Variants in ENOSF1 observed in about 807,000 individuals in gnomAD.
The protein encoded by ENOSF1 is mitochondrial enolase superfamily member 1.
In ENOSF1, 73 loss-of-function variants were observed where a neutral mutation model predicts 68.2. The observed-to-expected ratio is 1.07, with a 90% CI of 0.89 to 1.30. ENOSF1 has a LOEUF of 1.30. Ranked by LOEUF, ENOSF1 falls within the 50% of genes most tolerant of loss-of-function variation. The pLI is 0.00. For synonymous variants in ENOSF1, 223 were observed against 210.4 expected (o/e 1.06, Z -0.52); for missense variants, 589 against 554.5 (o/e 1.06, Z -0.62).
At chr18:681,063 T>C (rs1252220805) in intron 11 of ENOSF1, among the ~76,000 whole-genome samples, 1 of 152,174 alleles carries the variant, frequency 6.6e-6, no homozygotes, top group Non-Finnish European at 1.5e-5. Flanking sequence ...GGTTTCACCA[T>C]GTTGGCCAGG....
chr18:675,531 T>C, intron 14 of ENOSF1, 129 bp from the exon 15 acceptor site: 1 of 797,828 alleles, frequency 1.3e-6, no homozygotes, highest in Non-Finnish European at 2.1e-6. Flanking sequence ...TGTGTTACCA[T>C]GCGTTTCTAG....
chr18:671,708 C>A lies in ENOSF1; in HGVS notation c.*2597G>T. The A allele has an allele frequency of 2.0e-6, 1 of 500,184 alleles. No homozygotes were observed. Among genetic ancestry groups the A allele is most frequent in the Non-Finnish European group, 3.5e-6 (1 of 286,518 alleles). The allele number at this position is 500,184 out of a possible 1,614,324, so 31.0% of individuals were successfully genotyped here. On this transcript the variant is annotated 3_prime_UTR_variant, in exon 16 of 16. Transcript: ENST00000647584. Reference sequence around the variant, plus strand: ...AGAGAGGGAAGAGCCACATTCAAGCCAGGGGATTGTCCAAAAGGGGGCATT... The same window carrying A: ...AGAGAGGGAAGAGCCACATTCAAGCAAGGGGATTGTCCAAAAGGGGGCATT...
downstream of ENOSF1, among the ~76,000 whole-genome samples, chr18:667,553 AGATGGTGATGGT>A (rs1327773362): frequency 6.1e-3 from 114 of 18,574 alleles, 25 homozygotes; most frequent in East Asian, 0.052. Flanking sequence ...ATGGTGATGG[AGATGGTGATGGT>A]GATGGAGATG....
chr18:673,164 G>A lies in ENOSF1; in HGVS notation c.*1141C>T, dbSNP rs2075145254. ...GATGTTGCCACTGGCAAATGTAACT[G>A]TGCCAGTTCTTTCCATAATAAAAGG... On this transcript the variant is annotated 3_prime_UTR_variant, in exon 16 of 16. Transcript: ENST00000647584. The A allele has an allele frequency of 3.1e-6, 2 of 654,658 alleles. No homozygotes were observed. The highest frequency in any genetic ancestry group is 4.7e-6 in the Non-Finnish European group (2 of 423,264). The allele number at this position is 654,658 out of a possible 1,614,324, so 40.6% of individuals were successfully genotyped here.
chr18:692,987 A>T (rs1260220340), intron 5 of ENOSF1: 1 of 1,176,748 alleles, frequency 8.5e-7, no homozygotes, highest in African/African-American at 1.6e-5. Context: ...GTGGATCACG[A>T]GGTTTTTAAC....
At chr18:668,033 GAC>G (rs2074891308), downstream of ENOSF1, among the ~76,000 whole-genome samples, 1 of 128,924 alleles carries the variant, frequency 7.8e-6, no homozygotes, top group African/African-American at 3.3e-5. Context: ...AGTTTCCCTG[GAC>G]ACACTACCCA....
At chr18:691,360 T>G in intron 5 of ENOSF1, 84 bp from the exon 6 acceptor site, 1 of 1,167,752 alleles carries the variant, frequency 8.6e-7, no homozygotes, top group South Asian at 1.4e-5. Flanking sequence ...TTATTCTTTT[T>G]TTAGAGACAA....
chr18:670,042 C>CT (rs1357951783), downstream of ENOSF1, among the ~76,000 whole-genome samples: 9 of 128,580 alleles, frequency 7.0e-5, no homozygotes, highest in African/African-American at 1.7e-4. Context: ...GTAATAGAGA[C>CT]TTATTTTTTT....
At chr18:692,596 T>TAA (rs201965262) in intron 5 of ENOSF1, 1,546 of 505,374 alleles carry the variant, frequency 3.1e-3, no homozygotes, top group Non-Finnish European at 3.5e-3. Flanking sequence ...AAACTCCGTC[T>TAA]AAAAAAAAAA....
chr18:666,122 G>A (rs1418438466), downstream of ENOSF1, among the ~76,000 whole-genome samples: 5 of 102,424 alleles, frequency 4.9e-5, no homozygotes, highest in East Asian at 1.8e-3. Flanking sequence ...GGGTGTTAAA[G>A]TCTCCCATTA....
chr18:672,593 T>A lies in ENOSF1; in HGVS notation c.*1712A>T. 1 of 282,324 alleles carries A rather than the reference T, an allele frequency of 3.5e-6. No homozygotes were observed. 17.5% of individuals were successfully genotyped at this position (282,324 alleles called of 1,614,324 possible). ...CTGTCTTTAATAAATTTGCCAAGAG[T>A]GGTTATAAGAACTTACACCTGATGA... On this transcript the variant is annotated 3_prime_UTR_variant, in exon 16 of 16. Coordinates refer to ENST00000647584, the MANE Select transcript of ENOSF1 (RefSeq NM_017512.7).
downstream of ENOSF1, chr18:669,071 G>T: frequency 6.2e-7 from 1 of 1,613,112 alleles, no homozygotes; most frequent in Non-Finnish European, 8.5e-7. Flanking sequence ...CAATTCTACA[G>T]ATTATTCAGG....
At chr18:708,015 A>G (rs2079117488) in intron 1 of ENOSF1, among the ~76,000 whole-genome samples, 1 of 136,336 alleles carries the variant, frequency 7.3e-6, no homozygotes, top group African/African-American at 2.7e-5. Context: ...ACCCACCACT[A>G]TGACCAGCTT....
chr18:709,267 G>A (rs913084883), intron 1 of ENOSF1, among the ~76,000 whole-genome samples: 9 of 152,078 alleles, frequency 5.9e-5, no homozygotes, highest in Non-Finnish European at 1.3e-4. Flanking sequence ...TAGGGAGACC[G>A]GAAAGACACT....
downstream of ENOSF1, among the ~76,000 whole-genome samples, chr18:668,436 A>G (rs1274722584): frequency 3.9e-5 from 6 of 152,210 alleles, no homozygotes; most frequent in Non-Finnish European, 7.3e-5. Context: ...AGGGATTAAA[A>G]TCCAGAGACC....
intron 2 of ENOSF1, among the ~76,000 whole-genome samples, chr18:698,877 C>T (rs910408599): frequency 9.9e-5 from 15 of 152,114 alleles, no homozygotes; most frequent in African/African-American, 3.4e-4. Context: ...CTGCCTCGGC[C>T]ACCAAAATTG....
rs1213555394 is a variant in ENOSF1 at position 693,886 on chromosome 18, T to C, written c.419A>G (p.Asp140Gly). The change falls in exon 5 of 16, where the codon GAC becomes GGC. Residue 140 changes from aspartate to glycine, a missense_variant. Transcript: ENST00000647584. ...AACATTAACAATGCTACTCACCATG[T>C]CCACAAGTAACTTCCAGACAGGCTT... ...EGKPVWKLLV[D>G]MDPRMLVSCI... is the part of the protein sequence containing the mutation. The C allele has an allele frequency of 1.2e-6, 2 of 1,614,002 alleles. No individual in the cohort carries two copies. Among genetic ancestry groups the C allele is most frequent in the Non-Finnish European group, 1.7e-6 (2 of 1,180,016 alleles).
At chr18:688,394 A>T in intron 9 of ENOSF1, 180 bp downstream of exon 9, 1 of 648,780 alleles carries the variant, frequency 1.5e-6, no homozygotes, top group Non-Finnish European at 2.6e-6. Context: ...ATGAGGACTC[A>T]CATCCTGCCT....
At chr18:667,962 TTTTTAA>T (rs1039479129), downstream of ENOSF1, among the ~76,000 whole-genome samples, 14 of 151,646 alleles carry the variant, frequency 9.2e-5, no homozygotes, top group African/African-American at 2.9e-4. Flanking sequence ...TCCCTTTTTG[TTTTTAA>T]TTTTGTTTTA....
Sources: allele counts gnomAD v4.1 joint callset (sites outside exome capture counted in the v4.1 genomes callset), GRCh38; gene constraint gnomAD v4.1.1; transcripts MANE v1.5; gene names NCBI Gene and HGNC (gene_info 2026-07-23, HGNC 2026-07-21).